IFFO2: variants seen among roughly 807,000 people sequenced by gnomAD.
IFFO2 encodes intermediate filament family orphan 2.
Under a neutral mutation model 53.5 loss-of-function variants are expected in IFFO2, and 19 were observed. The observed-to-expected ratio is 0.36, with a 90% CI of 0.25 to 0.52. The LOEUF (loss-of-function observed/expected upper bound fraction) is 0.52, where lower values mean the gene tolerates loss of function less well. Ranked by LOEUF, IFFO2 falls within the 20% of genes least tolerant of loss-of-function variation. The pLI, the probability that IFFO2 is intolerant of heterozygous loss-of-function variation, is 0.94. For missense variants in IFFO2, 570 were observed against 727.4 expected (o/e 0.78, Z 2.49); for synonymous variants, 303 against 313.6 (o/e 0.97, Z 0.36).
rs536805731 is a variant in IFFO2 at position 18,956,389 on chromosome 1, C to G, written c.-57G>C. 6.1e-4 allele frequency: 112 copies of G among 182,240 alleles called. No individual in the cohort carries two copies. Among genetic ancestry groups the G allele is most frequent in the African/African-American group, 2.6e-3 (110 of 41,872 alleles). 11.3% of individuals were successfully genotyped at this position (182,240 alleles called of 1,614,324 possible). ...CGCGGCTCCAGGTGCGGCTCCAGCT[C>G]CGGGCAGGGCTCCCGGCGCGGCCGG... On this transcript the variant is annotated 5_prime_UTR_variant, in exon 1 of 9. Coordinates refer to ENST00000455833, the MANE Select transcript of IFFO2 (RefSeq NM_001136265.2). The surrounding 1 kb of genome is among the most constrained non-coding windows in gnomAD (Gnocchi z 6.4).
intron 1 of IFFO2, among the ~76,000 whole-genome samples, chr1:18,926,277 T>C (rs1248300578): frequency 1.3e-5 from 2 of 152,110 alleles, no homozygotes; most frequent in Non-Finnish European, 2.9e-5. Context: ...ATTCCCAGCA[T>C]AGCCCCTGCA....
chr1:18,943,099 G>A (rs1310448303), intron 1 of IFFO2, among the ~76,000 whole-genome samples: 1 of 152,128 alleles, frequency 6.6e-6, no homozygotes, highest in African/African-American at 2.4e-5. Flanking sequence ...AGCCATGGTG[G>A]CTCACATCTG....
At chr1:18,910,595 C>T (rs1460457136) in intron 7 of IFFO2, 123 bp from the exon 8 acceptor site, 2 of 1,111,852 alleles carry the variant, frequency 1.8e-6, no homozygotes, top group Non-Finnish European at 1.3e-6. Flanking sequence ...GACACCATGC[C>T]ATCAGGACCC....
At chr1:18,945,498 A>C (rs1028340898) in intron 1 of IFFO2, among the ~76,000 whole-genome samples, 3 of 152,230 alleles carry the variant, frequency 2.0e-5, no homozygotes, top group Admixed American at 2.0e-4. Flanking sequence ...GTGAGCCAAG[A>C]ACCGTCTTAA....
chr1:18,920,835 C>A (rs570581932), intron 2 of IFFO2, among the ~76,000 whole-genome samples: 1 of 152,304 alleles, frequency 6.6e-6, no homozygotes, highest in African/African-American at 2.4e-5. Flanking sequence ...CTTCTCAACC[C>A]CTGCATCAGA....
At chr1:18,913,692 TG>T (rs1391625415) in intron 5 of IFFO2, among the ~76,000 whole-genome samples, 1 of 152,136 alleles carries the variant, frequency 6.6e-6, no homozygotes, top group Non-Finnish European at 1.5e-5. Flanking sequence ...TGCCCACAGC[TG>T]GTGGAGATGT....
At chr1:18,948,432 G>T (rs537373251) in intron 1 of IFFO2, among the ~76,000 whole-genome samples, 4 of 152,212 alleles carry the variant, frequency 2.6e-5, no homozygotes, top group Non-Finnish European at 4.4e-5. Flanking sequence ...AGACCACATC[G>T]CAGGCAAACC....
intron 1 of IFFO2, among the ~76,000 whole-genome samples, chr1:18,933,590 A>G (rs1936407906): frequency 6.6e-6 from 1 of 151,772 alleles, no homozygotes; most frequent in Non-Finnish European, 1.5e-5. Flanking sequence ...ACATGGCGAA[A>G]CCCCATCTCT....
intron 8 of IFFO2, among the ~76,000 whole-genome samples, chr1:18,909,168 G>A (rs954428178): frequency 1.3e-5 from 2 of 152,032 alleles, no homozygotes; most frequent in African/African-American, 2.4e-5. Context: ...GGGGTTTGAG[G>A]AGTTAAAGGT....
chr1:18,929,939 C>G (rs1015753366), intron 1 of IFFO2, among the ~76,000 whole-genome samples: 1 of 152,192 alleles, frequency 6.6e-6, no homozygotes, highest in Non-Finnish European at 1.5e-5. Context: ...GACAAGCATC[C>G]TACACTGACC....
At chr1:18,912,256 T>C (rs1311941282) in intron 5 of IFFO2, among the ~76,000 whole-genome samples, 173 bp from the exon 6 acceptor site, 1 of 152,174 alleles carries the variant, frequency 6.6e-6, no homozygotes, top group Non-Finnish European at 1.5e-5. Flanking sequence ...GGAGTTTAAC[T>C]CTTTTAAAAT....
chr1:18,950,117 G>C (rs1313971701), intron 1 of IFFO2, among the ~76,000 whole-genome samples: 1 of 152,216 alleles, frequency 6.6e-6, no homozygotes, highest in Non-Finnish European at 1.5e-5. Flanking sequence ...TTGGGAGAAA[G>C]GGCTGGGGGA....
In IFFO2 at chr1:18,919,127, A is replaced by T. The variant is rs2100651002; in HGVS notation, c.822+551T>A. ...CTGTACTGCCCACTGTTTGAAGGGG[A>T]GGAGACCTGGGTCCCCAGCAGCAAG... On this transcript the variant is annotated intron_variant, in intron 3 of 8. Coordinates refer to ENST00000455833, the MANE Select transcript of IFFO2 (RefSeq NM_001136265.2). This position sits in a 1 kb window ranked among gnomAD's most constrained non-coding sequence, Gnocchi z 4.9. Among the ~76,000 whole-genome samples, 1 of 152,274 alleles carries T rather than the reference A, an allele frequency of 6.6e-6. No homozygotes were observed. The highest frequency in any genetic ancestry group is 2.4e-5 in the African/African-American group (1 of 41,554).
In IFFO2 at chr1:18,918,517, G is replaced by A; in HGVS notation, c.823-15C>T. ...TCTGTCATGGGCTGCAGGGAGGACA[G>A]CAGGGTTTACATGAGCGAGGGATGG... On this transcript the variant is annotated splice_polypyrimidine_tract_variant and intron_variant, in intron 3 of 8. Transcript: ENST00000455833. This position sits in a 1 kb window ranked among gnomAD's most constrained non-coding sequence, Gnocchi z 5.2. The A allele has an allele frequency of 6.4e-7, 1 of 1,551,838 alleles. No homozygotes were observed. Among genetic ancestry groups the A allele is most frequent in the Non-Finnish European group, 8.7e-7 (1 of 1,146,938 alleles).
chr1:18,911,569 C>CAA, intron 6 of IFFO2, 93 bp from the exon 7 acceptor site: 3 of 582,616 alleles, frequency 5.1e-6, no homozygotes, highest in South Asian at 4.5e-5. Context: ...GACGGAGTCT[C>CAA]GCTCTGTCAC....
intron 1 of IFFO2, among the ~76,000 whole-genome samples, chr1:18,948,403 C>G (rs28740871): frequency 0.79 from 120,443 of 152,110 alleles, 48,814 homozygotes; most frequent in East Asian, 0.94. Context: ...CCCATTCCCA[C>G]GTGGGCATAG....
rs946229612 is a variant in IFFO2, at chr1:18,928,303, C to A, written c.666-7182G>T. Among the ~76,000 whole-genome samples, 2 of 152,216 alleles carry A rather than the reference C, an allele frequency of 1.3e-5. No individual in the cohort carries two copies. Among genetic ancestry groups the A allele is most frequent in the Non-Finnish European group, 2.9e-5 (2 of 68,042 alleles). ...TGTCTCGCAGACGTGCCCATCAGAGCCCGGCTGCCCAGCTGTACTCTCCAG... is the reference window on the plus strand; with the variant it reads ...TGTCTCGCAGACGTGCCCATCAGAGACCGGCTGCCCAGCTGTACTCTCCAG... On this transcript the variant is annotated intron_variant, in intron 1 of 8. Coordinates refer to ENST00000455833, the MANE Select transcript of IFFO2 (RefSeq NM_001136265.2). This position sits in a 1 kb window ranked among gnomAD's most constrained non-coding sequence, Gnocchi z 4.9.
Position 18,928,940 on chromosome 1 carries a change from G to A in IFFO2, c.666-7819C>T, listed in dbSNP as rs1329372786. 6.6e-6 allele frequency among the ~76,000 whole-genome samples: 1 copy of A among 152,210 alleles called. No homozygotes were observed. Among genetic ancestry groups the A allele is most frequent in the Non-Finnish European group, 1.5e-5 (1 of 68,038 alleles). On this transcript the variant is annotated intron_variant, in intron 1 of 8. Coordinates refer to ENST00000455833, the MANE Select transcript of IFFO2 (RefSeq NM_001136265.2). This position sits in a 1 kb window ranked among gnomAD's most constrained non-coding sequence, Gnocchi z 4.9. The stretch of plus-strand genomic sequence containing the variant: ...CCTGGGTGCCATCAGGGCTCTGACA[G>A]CCTGCACTCAACAGCAGACACCCGC...
intron 1 of IFFO2, among the ~76,000 whole-genome samples, chr1:18,927,780 T>A (rs1253299098): frequency 1.3e-5 from 2 of 152,208 alleles, no homozygotes; most frequent in Non-Finnish European, 2.9e-5. Context: ...AGCTGATGGA[T>A]TGGGAAGACC....
Sources: gnomAD v4.1 joint callset for allele counts (sites outside exome capture counted in the v4.1 genomes callset) on GRCh38, gnomAD v4.1.1 for gene constraint, Gnocchi (gnomAD v3.1) non-coding constraint, MANE v1.5 for transcripts, NCBI Gene and HGNC (gene_info 2026-07-23, HGNC 2026-07-21) for gene names.